Variants in RBFOX1 observed in about 807,000 individuals in gnomAD.
The protein encoded by RBFOX1 is RNA binding fox-1 homolog 1.
Under a neutral mutation model 57.7 loss-of-function variants are expected in RBFOX1, and 8 were observed. The observed-to-expected ratio is 0.14, with a 90% CI of 0.08 to 0.25. The LOEUF (loss-of-function observed/expected upper bound fraction) is 0.25, where lower values mean the gene tolerates loss of function less well. RBFOX1 is among the 10% of genes least tolerant of loss of function. The pLI is 1.00. For missense variants in RBFOX1, 611 were observed against 548.5 expected, an observed-to-expected ratio of 1.11 and a Z score of -1.14; for synonymous variants, 326 against 222.4, an observed-to-expected ratio of 1.47 and a Z score of -4.15.
At chr16:5,839,805 G>A (rs1013875863) in intron 3 of RBFOX1, among the ~76,000 whole-genome samples, 2 of 152,122 alleles carry the variant, frequency 1.3e-5, no homozygotes, top group African/African-American at 4.8e-5. Context: ...TTTTCTTGAG[G>A]CTATTTTTAA....
At chr16:5,754,287 C>G (rs191818848) in intron 3 of RBFOX1, among the ~76,000 whole-genome samples, 1 of 152,244 alleles carries the variant, frequency 6.6e-6, no homozygotes, top group African/African-American at 2.4e-5. Flanking sequence ...TTGTGTTAAT[C>G]TATGTAACAT....
At chr16:7,457,831 G>A (rs193054139) in intron 4 of RBFOX1, among the ~76,000 whole-genome samples, 5 of 151,986 alleles carry the variant, frequency 3.3e-5, no homozygotes, top group African/African-American at 1.2e-4. Flanking sequence ...AAAAAAAATA[G>A]CATCTTTGAT....
At chr16:5,825,222 G>A (rs1397444968) in intron 3 of RBFOX1, among the ~76,000 whole-genome samples, 1 of 152,226 alleles carries the variant, frequency 6.6e-6, no homozygotes, top group Non-Finnish European at 1.5e-5. Context: ...TCTTCAGAAT[G>A]CAATATAGTG....
intron 3 of RBFOX1, among the ~76,000 whole-genome samples, chr16:5,689,237 C>G (rs1244214352): frequency 6.6e-6 from 1 of 152,220 alleles, no homozygotes; most frequent in Non-Finnish European, 1.5e-5. Context: ...AGCTCCATCA[C>G]TTATGATTTT....
chr16:5,509,789 A>G lies in RBFOX1; in HGVS notation c.258+42535A>G, dbSNP rs116980700. Among the ~76,000 whole-genome samples, 820 of 152,278 alleles carry G rather than the reference A, an allele frequency of 5.4e-3. 16 individuals are homozygous for G. In the East Asian group the frequency reaches 0.058, roughly 11 times the overall value. On this transcript the variant is annotated intron_variant, in intron 2 of 2. Transcript: ENST00000585867. ...ACACAGGGGAGTGGATGGACCCAGG[A>G]GGTACTCTTGGAGGCAAAGTTGACA...
intron 3 of RBFOX1, among the ~76,000 whole-genome samples, chr16:7,014,360 G>GCAT (rs1319764293): frequency 6.6e-6 from 1 of 151,966 alleles, no homozygotes; most frequent in African/African-American, 2.4e-5. Context: ...TTACAGTCAT[G>GCAT]CATCACCACG....
chr16:6,744,220 A>T (rs1442322534), intron 3 of RBFOX1, among the ~76,000 whole-genome samples: 1 of 152,154 alleles, frequency 6.6e-6, no homozygotes, highest in African/African-American at 2.4e-5. Context: ...AAATACATGA[A>T]ACAAAACTGT....
intron 4 of RBFOX1, among the ~76,000 whole-genome samples, chr16:5,914,498 G>A (rs1271764947): frequency 1.3e-5 from 2 of 152,124 alleles, no homozygotes; most frequent in African/African-American, 2.4e-5. Context: ...CACTCATGTG[G>A]TTGTTGGCCA....
At chr16:7,499,442 C>G (rs2069881931) in intron 4 of RBFOX1, among the ~76,000 whole-genome samples, 1 of 152,018 alleles carries the variant, frequency 6.6e-6, no homozygotes, top group Non-Finnish European at 1.5e-5. Context: ...TTCTGAGATA[C>G]TGGGAGCTGG....
At chr16:7,217,498 C>G (rs987003051) in intron 4 of RBFOX1, among the ~76,000 whole-genome samples, 1 of 151,798 alleles carries the variant, frequency 6.6e-6, no homozygotes, top group African/African-American at 2.4e-5. Flanking sequence ...TCCTGGTGTT[C>G]GGGAGTCTGC....
At chr16:6,931,343 A>C (rs200904117) in intron 3 of RBFOX1, among the ~76,000 whole-genome samples, 15,296 of 112,818 alleles carry the variant, frequency 0.14, 946 homozygotes, top group East Asian at 0.29. Flanking sequence ...CTATCTCTAC[A>C]CACACACACA....
chr16:7,298,781 C>G lies in RBFOX1; in HGVS notation c.28-219366C>G, dbSNP rs1316124609. Among the ~76,000 whole-genome samples the G allele has an allele frequency of 6.6e-5, 10 of 152,216 alleles. No homozygotes were observed. The East Asian group carries it at 1.9e-3, about 29-fold the overall frequency. On this transcript the variant is annotated intron_variant, in intron 4 of 15. Transcript: ENST00000550418. ...AAGAGAAAACATATTTACTATTGAT[C>G]AAGTAGAAGTGAATCATCATAAATG...
At chr16:6,960,070 C>A (rs1308560737) in intron 3 of RBFOX1, among the ~76,000 whole-genome samples, 1 of 152,142 alleles carries the variant, frequency 6.6e-6, no homozygotes, top group African/African-American at 2.4e-5. Flanking sequence ...TAAAGGAATT[C>A]TTAACAGGAC....
chr16:6,010,793 A>G (rs1333954738), intron 4 of RBFOX1, among the ~76,000 whole-genome samples: 1 of 152,180 alleles, frequency 6.6e-6, no homozygotes, highest in Non-Finnish European at 1.5e-5. Flanking sequence ...ATTTATTTAT[A>G]TTGCCCTCAT....
chr16:7,673,680 C>T (rs1238668553), intron 13 of RBFOX1, among the ~76,000 whole-genome samples: 1 of 152,174 alleles, frequency 6.6e-6, no homozygotes, highest in Admixed American at 6.5e-5. Flanking sequence ...TTGGTGGCCT[C>T]ACTCATTTGG....
At position 5,437,070 on chromosome 16, in the gene RBFOX1, T is replaced by G. The variant is rs1246463312; in HGVS notation, c.220-30146T>G. Among the ~76,000 whole-genome samples the G allele has an allele frequency of 2.6e-5, 4 of 152,134 alleles. No homozygotes were observed. The East Asian group carries it at 7.7e-4, about 29-fold the overall frequency. On this transcript the variant is annotated intron_variant, in intron 1 of 2. Transcript: ENST00000585867. ...GATGGGTTAATCCTCATATCTAGAG[T>G]GTAGACTGAACTTTTGGCTATATTG...
intron 3 of RBFOX1, among the ~76,000 whole-genome samples, chr16:6,834,539 A>C (rs1224449553): frequency 6.6e-6 from 1 of 152,172 alleles, no homozygotes; most frequent in Non-Finnish European, 1.5e-5. Context: ...TCAGTTAATT[A>C]ATTAACAGGA....
At chr16:7,002,796 G>A (rs986903108) in intron 3 of RBFOX1, among the ~76,000 whole-genome samples, 1 of 152,178 alleles carries the variant, frequency 6.6e-6, no homozygotes, top group East Asian at 1.9e-4. Flanking sequence ...TTTGTTTGAG[G>A]AATGTGTTGT....
At chr16:5,952,807 C>T (rs1383414378) in intron 4 of RBFOX1, among the ~76,000 whole-genome samples, 1 of 152,100 alleles carries the variant, frequency 6.6e-6, no homozygotes, top group Non-Finnish European at 1.5e-5. Context: ...CAGGACAAGG[C>T]CTCCCATACT....
Sources: gnomAD v4.1 joint callset for allele counts (sites outside exome capture counted in the v4.1 genomes callset) on GRCh38, gnomAD v4.1.1 for gene constraint, MANE v1.5 for transcripts, NCBI Gene and HGNC (gene_info 2026-07-23, HGNC 2026-07-21) for gene names.